Variants in RASGRF2 observed in about 807,000 individuals in gnomAD.
The protein encoded by RASGRF2 is ras-specific guanine nucleotide-releasing factor 2.
RASGRF2 carries 76 observed loss-of-function variants against 151.0 expected under a neutral mutation model. That is an observed-to-expected ratio of 0.50 (90% confidence interval 0.42 to 0.61). The LOEUF (loss-of-function observed/expected upper bound fraction) is 0.61. Among genes scored for constraint, RASGRF2 ranks in the 20% least tolerant of loss-of-function variants. RASGRF2 has a pLI of 0.00. For missense variants in RASGRF2, 1,148 were observed against 1,564.6 expected (o/e 0.73, Z 4.49); for synonymous variants, 504 against 566.5 (o/e 0.89, Z 1.57).
intron 17 of RASGRF2, among the ~76,000 whole-genome samples, chr5:81,153,255 T>C (rs56292956): frequency 0.027 from 4,094 of 152,290 alleles, 194 homozygotes; most frequent in South Asian, 0.089. Flanking sequence ...GAAATTAAGG[T>C]TGCAGTTGAA....
chr5:81,063,394 C>T (rs551705139), intron 2 of RASGRF2, among the ~76,000 whole-genome samples: 4 of 152,042 alleles, frequency 2.6e-5, no homozygotes, highest in Admixed American at 2.6e-4. Context: ...CTATAGATGC[C>T]CGCCACCACA....
intron 18 of RASGRF2, among the ~76,000 whole-genome samples, chr5:81,180,866 G>GT (rs996535544): frequency 9.2e-5 from 14 of 152,094 alleles, no homozygotes; most frequent in Non-Finnish European, 1.8e-4. Context: ...ATCTGTTTAT[G>GT]TGTTTTCAGT....
chr5:81,033,709 A>G (rs1187901744), intron 1 of RASGRF2, among the ~76,000 whole-genome samples: 1 of 152,214 alleles, frequency 6.6e-6, no homozygotes, highest in Non-Finnish European at 1.5e-5. Context: ...AAGAAAACCT[A>G]GGCAGTACCA....
At chr5:81,050,765 G>C (rs914337702) in intron 2 of RASGRF2, among the ~76,000 whole-genome samples, 11 of 152,084 alleles carry the variant, frequency 7.2e-5, no homozygotes, top group African/African-American at 2.7e-4. Context: ...TATTTCGCTC[G>C]AAGCACCTAA....
intron 18 of RASGRF2, among the ~76,000 whole-genome samples, chr5:81,188,278 T>C (rs895919445): frequency 3.9e-5 from 6 of 152,204 alleles, no homozygotes; most frequent in Non-Finnish European, 8.8e-5. Flanking sequence ...CTTTGAGATC[T>C]TTATAGGAGA....
intron 17 of RASGRF2, among the ~76,000 whole-genome samples, chr5:81,164,552 A>T (rs1271529229): frequency 1.3e-5 from 2 of 152,062 alleles, no homozygotes; most frequent in Non-Finnish European, 2.9e-5. Context: ...GGCAGAAAAT[A>T]TTTTTTTACA....
At chr5:81,094,170 A>G in intron 10 of RASGRF2, 126 bp from the exon 11 acceptor site, 1 of 702,536 alleles carries the variant, frequency 1.4e-6, no homozygotes, top group Non-Finnish European at 2.3e-6. Flanking sequence ...CTCTATGAAA[A>G]ATTATTTATG....
chr5:81,102,669 T>G (rs1231505846), intron 12 of RASGRF2, among the ~76,000 whole-genome samples: 1 of 147,756 alleles, frequency 6.8e-6, no homozygotes, highest in Non-Finnish European at 1.5e-5. Context: ...CATTCCAGCC[T>G]CGGCGACAGA....
At chr5:81,202,342 G>A (rs575646138) in intron 19 of RASGRF2, among the ~76,000 whole-genome samples, 4 of 152,140 alleles carry the variant, frequency 2.6e-5, no homozygotes, top group East Asian at 1.9e-4. Flanking sequence ...TCCTTTCCTC[G>A]AAGCTTGGCT....
intron 1 of RASGRF2, among the ~76,000 whole-genome samples, chr5:81,010,292 T>C (rs1012392129): frequency 2.6e-5 from 4 of 152,174 alleles, no homozygotes; most frequent in Non-Finnish European, 5.9e-5. Flanking sequence ...TATTTATATA[T>C]GTGTATTATT....
chr5:80,997,059 C>G (rs918652364), intron 1 of RASGRF2: 1 of 152,156 alleles, frequency 6.6e-6, no homozygotes, highest in Non-Finnish European at 1.5e-5. Context: ...ATTACAAAAA[C>G]AAAACTTTCA....
At chr5:81,142,998 T>C (rs1753919643) in intron 17 of RASGRF2, among the ~76,000 whole-genome samples, 1 of 152,176 alleles carries the variant, frequency 6.6e-6, no homozygotes, top group Admixed American at 6.5e-5. Flanking sequence ...ATCTTGGTTC[T>C]GTAGAAGTTT....
intron 1 of RASGRF2, among the ~76,000 whole-genome samples, chr5:81,021,224 G>C (rs1475495449): frequency 1.3e-5 from 2 of 152,214 alleles, no homozygotes; most frequent in Non-Finnish European, 2.9e-5. Context: ...AGATCTGACA[G>C]CTCAGATTTA....
chr5:81,093,904 T>A (rs1261098799), intron 10 of RASGRF2, among the ~76,000 whole-genome samples: 1 of 152,220 alleles, frequency 6.6e-6, no homozygotes, highest in African/African-American at 2.4e-5. Context: ...ATAGGCAAAC[T>A]TTTTTATTAT....
intron 18 of RASGRF2, among the ~76,000 whole-genome samples, chr5:81,195,845 G>C (rs1755252445): frequency 6.6e-6 from 1 of 152,132 alleles, no homozygotes; most frequent in African/African-American, 2.4e-5. Flanking sequence ...ATTTCCCCAT[G>C]CTTCTCATCT....
intron 1 of RASGRF2, among the ~76,000 whole-genome samples, chr5:80,964,412 C>G (rs1747660590): frequency 6.6e-6 from 1 of 152,032 alleles, no homozygotes; most frequent in Admixed American, 6.6e-5. Flanking sequence ...ACATGGTAGG[C>G]TCTGTGCTCT....
intron 1 of RASGRF2, among the ~76,000 whole-genome samples, chr5:80,961,979 G>A (rs888817): frequency 0.68 from 103,117 of 152,106 alleles, 35,489 homozygotes; most frequent in African/African-American, 0.79. Flanking sequence ...TGTTTTTGCT[G>A]TTGCGTAAAA....
intron 1 of RASGRF2, among the ~76,000 whole-genome samples, chr5:80,968,276 G>A (rs954133819): frequency 6.6e-6 from 1 of 152,102 alleles, no homozygotes; most frequent in African/African-American, 2.4e-5. Flanking sequence ...GAATATTTCA[G>A]GGAATGCCAA....
chr5:81,155,964 G>C (rs1226432539), intron 17 of RASGRF2, among the ~76,000 whole-genome samples: 3 of 152,244 alleles, frequency 2.0e-5, no homozygotes, highest in Admixed American at 2.0e-4. Context: ...AATGTTCAAG[G>C]CCTAAGTGTG....
Sources: allele counts gnomAD v4.1 joint callset (sites outside exome capture counted in the v4.1 genomes callset), GRCh38; gene constraint gnomAD v4.1.1; transcripts MANE v1.5; gene names NCBI Gene and HGNC (gene_info 2026-07-23, HGNC 2026-07-21).